The following PIK3AP1 variants were observed in gnomAD, a reference collection of about 807,000 sequenced individuals.
PIK3AP1 encodes phosphoinositide 3-kinase adapter protein 1.
In PIK3AP1, 21 loss-of-function variants were observed where a neutral mutation model predicts 88.1. That is an observed-to-expected ratio of 0.24 (90% CI 0.17 to 0.34). The LOEUF is 0.34. PIK3AP1 is among the 10% of genes least tolerant of loss of function. The pLI is 1.00. For missense variants in PIK3AP1, 828 were observed against 1,035.7 expected (o/e 0.80, Z 2.75); for synonymous variants, 398 against 400.0 (o/e 1.00, Z 0.06).
At chr10:96,643,653 C>T (rs1843421189) in intron 8 of PIK3AP1, among the ~76,000 whole-genome samples, 1 of 152,216 alleles carries the variant, frequency 6.6e-6, no homozygotes, top group Non-Finnish European at 1.5e-5. Context: ...CCACATCTTG[C>T]AGGTTCTGGG....
intron 8 of PIK3AP1, among the ~76,000 whole-genome samples, chr10:96,642,209 G>A (rs1457165547): frequency 6.6e-6 from 1 of 152,188 alleles, no homozygotes; most frequent in Non-Finnish European, 1.5e-5. Context: ...CGGATTGCTT[G>A]AGCTCACAAG....
At chr10:96,623,315 A>T (rs1843112578) in intron 11 of PIK3AP1, among the ~76,000 whole-genome samples, 157 bp downstream of exon 11, 1 of 151,942 alleles carries the variant, frequency 6.6e-6, no homozygotes, top group African/African-American at 2.4e-5. Flanking sequence ...CACCCCCCTT[A>T]GCCTCCCAAA....
intron 8 of PIK3AP1, among the ~76,000 whole-genome samples, chr10:96,630,367 T>C (rs952353963): frequency 4.6e-5 from 7 of 152,224 alleles, no homozygotes; most frequent in African/African-American, 1.2e-4. Context: ...TTTAGGGTAA[T>C]TGTACTAATC....
intron 2 of PIK3AP1, among the ~76,000 whole-genome samples, chr10:96,691,914 G>A (rs1182177686): frequency 6.6e-6 from 1 of 152,058 alleles, no homozygotes; most frequent in South Asian, 2.1e-4. Context: ...GCTTAATCTT[G>A]GTGCATGTTT....
intron 16 of PIK3AP1, among the ~76,000 whole-genome samples, chr10:96,601,079 T>TA (rs35753684): frequency 0.81 from 122,563 of 150,892 alleles, 50,250 homozygotes; most frequent in East Asian, 0.99. Context: ...CTCTCCTGTA[T>TA]AAAAAAAAAG....
intron 3 of PIK3AP1, 112 bp downstream of exon 3, chr10:96,656,686 G>A: frequency 1.4e-6 from 2 of 1,425,626 alleles, no homozygotes; most frequent in South Asian, 2.6e-5. Context: ...AAGGAAGGCT[G>A]CAATTATACT....
At chr10:96,696,942 T>C (rs1227023196) in intron 2 of PIK3AP1, among the ~76,000 whole-genome samples, 2 of 152,170 alleles carry the variant, frequency 1.3e-5, no homozygotes, top group African/African-American at 4.8e-5. Context: ...TCACACATAG[T>C]TGGAATTAAG....
chr10:96,612,950 GTATATATATATATATATATA>G (rs398046320), intron 13 of PIK3AP1, among the ~76,000 whole-genome samples: 1 of 59,682 alleles, frequency 1.7e-5, no homozygotes, highest in African/African-American at 7.8e-5. Context: ...GTGTGTGTGT[GTATATATATATATATATATA>G]TATATATATA....
intron 12 of PIK3AP1, 72 bp downstream of exon 12, chr10:96,620,280 C>G: frequency 6.7e-7 from 1 of 1,488,394 alleles, no homozygotes. Context: ...CACAAGACAG[C>G]CATGGCCCAG....
intron 16 of PIK3AP1, among the ~76,000 whole-genome samples, chr10:96,598,178 A>T (rs1848815127): frequency 6.6e-6 from 1 of 151,558 alleles, no homozygotes; most frequent in Non-Finnish European, 1.5e-5. Context: ...CGAGTACCTG[A>T]GACTACAGGC....
intron 8 of PIK3AP1, among the ~76,000 whole-genome samples, chr10:96,644,291 C>A (rs894823866): frequency 1.9e-4 from 29 of 152,336 alleles, no homozygotes; most frequent in African/African-American, 7.0e-4. Context: ...TTTCCCTAGA[C>A]ATACACATAA....
chr10:96,714,742 G>C (rs989783418), intron 1 of PIK3AP1, among the ~76,000 whole-genome samples: 2 of 152,124 alleles, frequency 1.3e-5, no homozygotes, highest in South Asian at 2.1e-4. Context: ...AACTCAAAGC[G>C]CCCAGTGGCA....
At position 96,615,846 on chromosome 10, in the gene PIK3AP1, G is replaced by A. The variant is rs191189438; in HGVS notation, c.2014+793C>T. ...GTTCATGGGAAGTCAGGCAGCTGAT[G>A]GCAGCTGGAGAGAGACCGTGGAAGC... On this transcript the variant is annotated intron_variant, in intron 13 of 16. Transcript: ENST00000339364. 4.8e-4 allele frequency among the ~76,000 whole-genome samples: 73 copies of A among 152,318 alleles called. No individual in the cohort carries two copies. In the East Asian group the frequency reaches 0.014, roughly 29 times the overall value.
At chr10:96,657,780 G>A (rs537233341) in intron 2 of PIK3AP1, among the ~76,000 whole-genome samples, 144 of 152,244 alleles carry the variant, frequency 9.5e-4, no homozygotes, top group Admixed American at 6.5e-4. Context: ...GTTAAGAATG[G>A]TTGAGAGGGC....
Position 96,709,793 on chromosome 10 carries a change from C to G in PIK3AP1, c.204G>C (p.Val68=), listed in dbSNP as rs759373615. 6 of 1,613,502 alleles carry G rather than the reference C, an allele frequency of 3.7e-6. No homozygotes were observed. The highest frequency in any genetic ancestry group is 5.1e-6 in the Non-Finnish European group (6 of 1,179,554). Residue 68 remains valine, a synonymous_variant, in exon 2 of 17, where the codon GTG becomes GTC. Coordinates refer to ENST00000339364, the MANE Select transcript of PIK3AP1 (RefSeq NM_152309.3). ...GCACCAGCTCCGCGGACAGCAGCAC[C>G]ACGACACAGCGGGTGCTGAGGAAAA... The part of the protein sequence containing the change: ...LSLFLSTRCV[V]VLLSAELVQH...
chr10:96,648,946 T>A, intron 6 of PIK3AP1, 91 bp from the exon 7 acceptor site: 3 of 1,110,256 alleles, frequency 2.7e-6, no homozygotes, highest in South Asian at 3.6e-5. Flanking sequence ...AAGACTAGCA[T>A]GGCAACAGAA....
rs926087542 is a variant in PIK3AP1 at position 96,594,766 on chromosome 10, T to C, written c.*811A>G. The C allele has an allele frequency of 1.3e-5, 2 of 152,138 alleles. No homozygotes were observed. Among genetic ancestry groups the C allele is most frequent in the African/African-American group, 2.4e-5 (1 of 41,412 alleles). 9.4% of individuals were successfully genotyped at this position (152,138 alleles called of 1,614,324 possible). A position where few individuals can be genotyped will look rare whatever the true frequency, so the allele number is the denominator to read the frequency against. Reference sequence around the variant, plus strand: ...CCATACTGAAGTATAAATTCCCAAATTGGAAAGAAAACAAACAAACTTGGT... The same window carrying C: ...CCATACTGAAGTATAAATTCCCAAACTGGAAAGAAAACAAACAAACTTGGT... On this transcript the variant is annotated 3_prime_UTR_variant, in exon 17 of 17. Coordinates refer to ENST00000339364, the MANE Select transcript of PIK3AP1 (RefSeq NM_152309.3). This position sits in a 1 kb window ranked among gnomAD's most constrained non-coding sequence, Gnocchi z 4.6.
chr10:96,638,455 G>GAC (rs748604466), intron 8 of PIK3AP1, among the ~76,000 whole-genome samples: 6 of 104,430 alleles, frequency 5.7e-5, no homozygotes, highest in Admixed American at 5.1e-4. Context: ...CACACACACA[G>GAC]ACACACACAC....
chr10:96,659,966 C>T (rs376647494), intron 2 of PIK3AP1, among the ~76,000 whole-genome samples: 3 of 151,862 alleles, frequency 2.0e-5, no homozygotes, highest in African/African-American at 4.8e-5. Context: ...ATAGGTATTA[C>T]GTCTTCTAGT....
Sources: gnomAD v4.1 joint callset for allele counts (sites outside exome capture counted in the v4.1 genomes callset) on GRCh38, gnomAD v4.1.1 for gene constraint, Gnocchi (gnomAD v3.1) non-coding constraint, MANE v1.5 for transcripts, NCBI Gene and HGNC (gene_info 2026-07-23, HGNC 2026-07-21) for gene names.